The following MBNL2 variants were observed in gnomAD, a reference collection of about 807,000 sequenced individuals.
MBNL2 encodes the protein muscleblind-like protein 2.
MBNL2 carries 17 observed loss-of-function variants against 41.9 expected under a neutral mutation model. The ratio of observed to expected loss-of-function variants is 0.41; its 90% CI spans 0.28 to 0.61. The LOEUF (loss-of-function observed/expected upper bound fraction) is 0.61, where lower values mean the gene tolerates loss of function less well. MBNL2 is among the 20% of genes least tolerant of loss of function. MBNL2 has a pLI of 0.35. For missense variants in MBNL2, 336 were observed against 505.6 expected (o/e 0.66, Z 3.22); for synonymous variants, 195 against 182.9 (o/e 1.07, Z -0.53).
the MBNL2 span, among the ~76,000 whole-genome samples, chr13:97,162,378 A>G: frequency 4.6e-5 from 7 of 152,226 alleles, no homozygotes; most frequent in Non-Finnish European, 7.3e-5. Context: ...GCAACCTTGC[A>G]TAAGTGGAAA....
intron 2 of MBNL2, among the ~76,000 whole-genome samples, chr13:97,331,051 A>T (rs1019833622): frequency 6.6e-6 from 1 of 152,216 alleles, no homozygotes; most frequent in African/African-American, 2.4e-5. Context: ...AGCTTTTAAC[A>T]TGTTTGGTGT....
chr13:97,232,566 A>G (rs1392784985), intron 1 of MBNL2, among the ~76,000 whole-genome samples: 2 of 152,224 alleles, frequency 1.3e-5, no homozygotes, highest in Non-Finnish European at 2.9e-5. Flanking sequence ...TCAAGATGGT[A>G]GGATGGAAAC....
the MBNL2 span, among the ~76,000 whole-genome samples, chr13:97,165,916 G>T: frequency 1.3e-5 from 2 of 152,314 alleles, no homozygotes; most frequent in East Asian, 1.9e-4. Flanking sequence ...TCCAAACTCA[G>T]GAGCTGTAAG....
At position 97,343,045 on chromosome 13, in the gene MBNL2, GA is replaced by G. The variant is rs2061557319; in HGVS notation, c.370del (p.Thr124GlnfsTer11). The stretch of plus-strand genomic sequence containing the variant: ...CTTTCCCTGTAGGTCCCGCGATAGG[GA>G]CAAATACGGCTATTAGCTTTGCTCC... ...PTFPVGPAIGTNTAISFAPYL... is the reference protein window; with the variant it reads ...PTFPVGPAIGXNTAISFAPYL... On this transcript the variant is annotated frameshift_variant, in exon 4 of 9. Coordinates refer to ENST00000679496, the MANE Select transcript of MBNL2 (RefSeq NM_001382683.1). LOFTEE classifies it high-confidence loss of function. 1 of 1,613,674 alleles carries G rather than the reference GA, an allele frequency of 6.2e-7. No individual in the cohort carries two copies. The highest frequency in any genetic ancestry group is 8.5e-7 in the Non-Finnish European group (1 of 1,179,734).
chr13:97,206,201 G>A, the MBNL2 span, among the ~76,000 whole-genome samples: 4 of 152,204 alleles, frequency 2.6e-5, no homozygotes, highest in East Asian at 7.7e-4. Context: ...TGTCTGAATC[G>A]TGATTTCTAC....
intron 8 of MBNL2, among the ~76,000 whole-genome samples, chr13:97,371,294 A>T (rs2064349871): frequency 6.6e-6 from 1 of 152,094 alleles, no homozygotes; most frequent in Admixed American, 6.6e-5. Context: ...TACAATTTAT[A>T]CTCCGAATCT....
chr13:97,168,769 G>A, the MBNL2 span, among the ~76,000 whole-genome samples: 1 of 152,200 alleles, frequency 6.6e-6, no homozygotes, highest in Admixed American at 6.5e-5. Flanking sequence ...ATATGGTGCA[G>A]TGTTTTTTCA....
chr13:97,356,959 G>A, intron 6 of MBNL2, 110 bp downstream of exon 6: 1 of 553,624 alleles, frequency 1.8e-6, no homozygotes, highest in Non-Finnish European at 2.8e-6. Context: ...ATTAATTTAT[G>A]GAAAAAATCC....
At chr13:97,267,922 A>G (rs1423270459) in intron 1 of MBNL2, among the ~76,000 whole-genome samples, 1 of 152,226 alleles carries the variant, frequency 6.6e-6, no homozygotes, top group East Asian at 1.9e-4. Context: ...CACAGAAGGC[A>G]AGGAATGCTT....
chr13:97,271,112 G>GTTTTTTTT (rs369155404), intron 1 of MBNL2, among the ~76,000 whole-genome samples: 3 of 133,394 alleles, frequency 2.2e-5, no homozygotes, highest in Non-Finnish European at 4.8e-5. Context: ...GCTCTTTTTT[G>GTTTTTTTT]TTTTTTTTTT....
At chr13:97,217,939 A>G (rs2040511468), upstream of MBNL2, among the ~76,000 whole-genome samples, 1 of 152,186 alleles carries the variant, frequency 6.6e-6, no homozygotes, top group Non-Finnish European at 1.5e-5. Context: ...AGGGTGTGGG[A>G]CCATTTGGTT....
chr13:97,252,809 C>T (rs1030863417), intron 1 of MBNL2, among the ~76,000 whole-genome samples: 4 of 152,174 alleles, frequency 2.6e-5, no homozygotes, highest in African/African-American at 9.7e-5. Flanking sequence ...ATAATCATAT[C>T]ATCTGAAGAT....
chr13:97,200,622 T>A, the MBNL2 span, among the ~76,000 whole-genome samples: 1 of 152,226 alleles, frequency 6.6e-6, no homozygotes. Context: ...TTTAAAGACA[T>A]TTTAGCCACA....
intron 1 of MBNL2, 53 bp downstream of exon 1, chr13:97,222,584 C>T: frequency 2.5e-6 from 1 of 396,322 alleles, no homozygotes; most frequent in Non-Finnish European, 4.4e-6. Context: ...CTGCAGTATG[C>T]TGCATTCCAT....
upstream of MBNL2, among the ~76,000 whole-genome samples, chr13:97,218,747 A>T (rs373599735): frequency 1.3e-5 from 2 of 152,046 alleles, no homozygotes; most frequent in South Asian, 4.1e-4. Flanking sequence ...AAGAAGGAGG[A>T]GGAGGAAAAG....
At position 97,275,874 on chromosome 13, in the gene MBNL2, T is replaced by C. The variant is rs143856100; in HGVS notation, c.-362T>C. The C allele has an allele frequency of 5.8e-6, 1 of 171,494 alleles. No homozygotes were observed. Among genetic ancestry groups the C allele is most frequent in the East Asian group, 1.6e-4 (1 of 6,258 alleles). 10.6% of individuals were successfully genotyped at this position (171,494 alleles called of 1,614,324 possible). On this transcript the variant is annotated 5_prime_UTR_variant, in exon 2 of 9. Coordinates refer to ENST00000679496, the MANE Select transcript of MBNL2 (RefSeq NM_001382683.1). ...GTGTCTTATTTTCCAACATCGTCAA[T>C]AGCTGTGAGCGTCAGCATTAAATAT... is the stretch of plus-strand genomic sequence containing the variant.
Position 97,393,923 on chromosome 13 carries a change from CTTCA to C in MBNL2, c.*2475_*2478del. The C allele has an allele frequency of 6.6e-6, 1 of 152,670 alleles. No homozygotes were observed. Among genetic ancestry groups the C allele is most frequent in the Middle Eastern group, 3.4e-3 (1 of 294 alleles). 9.5% of individuals were successfully genotyped at this position (152,670 alleles called of 1,614,324 possible). ...TCTTGGTTTTCAGGATATAACAGCA[CTTCA>C]CCGAAATATTCTTTCAGCCATACCA... On this transcript the variant is annotated 3_prime_UTR_variant, in exon 9 of 9. Coordinates refer to ENST00000679496, the MANE Select transcript of MBNL2 (RefSeq NM_001382683.1).
chr13:97,334,015 AGAGG>A lies in MBNL2; in HGVS notation c.175-246_175-243del, dbSNP rs1230913128. Among the ~76,000 whole-genome samples the A allele has an allele frequency of 1.5e-5, 1 of 65,620 alleles. No individual in the cohort carries two copies. The highest frequency in any genetic ancestry group is 1.7e-4 in the Admixed American group (1 of 6,042). The allele number at this position is 65,620 out of a possible 152,430, so 43.0% of individuals were successfully genotyped here. A position where few individuals can be genotyped will look rare whatever the true frequency, so the allele number is the denominator to read the frequency against. On this transcript the variant is annotated intron_variant, in intron 2 of 8. Transcript: ENST00000679496. This position sits in a 1 kb window ranked among gnomAD's most constrained non-coding sequence, Gnocchi z 5.3. Reference sequence around the variant, plus strand: ...AAGAAAGAGAAAGAGAGAAAGAGAGAGAGGGAGGGAGGGAGGGAAAAATCCTCAG... The same window carrying A: ...AAGAAAGAGAAAGAGAGAAAGAGAGAGAGGGAGGGAGGGAAAAATCCTCAG...
At chr13:97,324,692 C>G (rs1235378969) in intron 2 of MBNL2, among the ~76,000 whole-genome samples, 1 of 152,158 alleles carries the variant, frequency 6.6e-6, no homozygotes, top group Non-Finnish European at 1.5e-5. Flanking sequence ...GGAAGCCAGT[C>G]CAAGTCCCAA....
Sources: gnomAD v4.1 joint callset for allele counts (sites outside exome capture counted in the v4.1 genomes callset) on GRCh38, gnomAD v4.1.1 for gene constraint, Gnocchi (gnomAD v3.1) non-coding constraint, MANE v1.5 for transcripts, NCBI Gene and HGNC (gene_info 2026-07-23, HGNC 2026-07-21) for gene names.